OR56A4: variants seen among roughly 807,000 people sequenced by gnomAD.
The protein encoded by OR56A4 is olfactory receptor family 56 subfamily A member 4.
Under a neutral mutation model 13.6 loss-of-function variants are expected in OR56A4, and 9 were observed. The ratio of observed to expected loss-of-function variants is 0.66; its 90% CI spans 0.40 to 1.15. The LOEUF (loss-of-function observed/expected upper bound fraction) is 1.15. Among genes scored for constraint, OR56A4 ranks in the 50% most tolerant of loss-of-function variants. The pLI, the probability that OR56A4 is intolerant of heterozygous loss-of-function variation, is 0.01. For synonymous variants in OR56A4, 167 were observed against 153.9 expected (o/e 1.08, Z -0.63); for missense variants, 380 against 375.9 (o/e 1.01, Z -0.09).
In OR56A4 at chr11:6,002,496, G is replaced by A. The variant is rs748087343; in HGVS notation, c.497C>T (p.Ser166Phe). ...TCCTGCACAGTATCTGAGCCTGGCA[G>A]AAAGCATGGGAACAGGAAGAGAAAC... ...AFVSLPVPML[S>F]ARLRYCAGNI... The change falls in exon 3 of 3, where the codon TCT (serine) becomes TTT (phenylalanine). Residue 166 changes from serine (S) to phenylalanine (F), a missense_variant. Ser to Phe is a radical substitution (Grantham distance 155). Coordinates refer to ENST00000641156, the MANE Select transcript of OR56A4 (RefSeq NM_001005179.4). 7 of 1,614,230 alleles carry A rather than the reference G, an allele frequency of 4.3e-6. No individual in the cohort carries two copies. Among genetic ancestry groups the A allele is most frequent in the East Asian group, 2.2e-5 (1 of 44,888 alleles).
In OR56A4 at chr11:6,002,869, T is replaced by C. The variant is rs1420185088; in HGVS notation, c.124A>G (p.Met42Val). Residue 42 changes from methionine (M) to valine (V), a missense_variant, in exon 3 of 3, where the codon ATG becomes GTG. Transcript: ENST00000641156. ...LPLSLLFLLA[M>V]GANTTLLITI... is the part of the protein sequence containing the mutation. ...ATCAGGAGGGTGGTGTTAGCTCCCA[T>C]GGCCAGGAGGAAGAGAAGGCTGAGG... 5.6e-6 allele frequency: 9 copies of C among 1,613,838 alleles called. No individual in the cohort carries two copies. The highest frequency in any genetic ancestry group is 4.4e-5 in the South Asian group (4 of 91,072).
rs189708892 is a variant in OR56A4, at chr11:6,003,272, T to C, written c.-36-244A>G. The C allele has an allele frequency of 6.2e-3, 3,717 of 598,810 alleles. 22 individuals are homozygous for C. The highest frequency in any genetic ancestry group is 7.4e-3 in the Non-Finnish European group (2,717 of 368,656). The allele number at this position is 598,810 out of a possible 1,614,324, so 37.1% of individuals were successfully genotyped here. A position where few individuals can be genotyped will look rare whatever the true frequency, so the allele number is the denominator to read the frequency against. ...AATATTGTTATCCTAATGTTACAGGTAATAAAATAGAGATAAGGGAAAATT... is the reference window on the plus strand; with the variant it reads ...AATATTGTTATCCTAATGTTACAGGCAATAAAATAGAGATAAGGGAAAATT... On this transcript the variant is annotated intron_variant, in intron 2 of 2. Coordinates refer to ENST00000641156, the MANE Select transcript of OR56A4 (RefSeq NM_001005179.4).
Position 6,002,729 on chromosome 11 carries a change from G to A in OR56A4, c.264C>T (p.Phe88=), listed in dbSNP as rs1848225394. 1 of 1,614,110 alleles carries A rather than the reference G, an allele frequency of 6.2e-7. No individual in the cohort carries two copies. The highest frequency in any genetic ancestry group is 8.5e-7 in the Non-Finnish European group (1 of 1,180,040). ...LTVIPKVLAI[F]WFDLRSISFP... is the part of the protein sequence containing the mutation. ...AGCTGATCGACCTGAGGTCAAACCA[G>A]AAGATGGCCAGGACCTTGGGGATGA... Residue 88 remains phenylalanine (F), a synonymous_variant, in exon 3 of 3, where the codon TTC becomes TTT. Coordinates refer to ENST00000641156, the MANE Select transcript of OR56A4 (RefSeq NM_001005179.4).
At chr11:6,003,165 C>T (rs1848231643) in intron 2 of OR56A4, 137 bp from the exon 3 acceptor site, 1 of 1,508,626 alleles carries the variant, frequency 6.6e-7, no homozygotes, top group South Asian at 1.3e-5. Flanking sequence ...TTATATTTAA[C>T]CAAGTATGTA....
Position 6,002,754 on chromosome 11 carries a change from A to G in OR56A4, c.239T>C (p.Val80Ala), listed in dbSNP as rs770474932. Residue 80 changes from valine (V) to alanine (A), a missense_variant, in exon 3 of 3, where the codon GTC becomes GCC. By Grantham distance (64) the Val-to-Ala change is moderately conservative. Coordinates refer to ENST00000641156, the MANE Select transcript of OR56A4 (RefSeq NM_001005179.4). ...GAAGATGGCCAGGACCTTGGGGATG[A>G]CGGTGAGGCAGAGCACGATGTCCAG... ...SLLDIVLCLT[V>A]IPKVLAIFWF... 9 of 1,614,000 alleles carry G rather than the reference A, an allele frequency of 5.6e-6. No individual in the cohort carries two copies. In the African/African-American group the frequency reaches 1.2e-4, roughly 22 times the overall value.
At chr11:6,004,612 A>G (rs1299490818) in intron 2 of OR56A4, among the ~76,000 whole-genome samples, 1 of 152,240 alleles carries the variant, frequency 6.6e-6, no homozygotes, top group African/African-American at 2.4e-5. Flanking sequence ...TACCCATTGT[A>G]GGGCCTTAAA....
chr11:6,002,354 A>G lies in OR56A4; in HGVS notation c.639T>C (p.Asp213=), dbSNP rs1358612377. Residue 213 remains aspartate (D), a synonymous_variant, in exon 3 of 3, where the codon GAT becomes GAC. Transcript: ENST00000641156. ...AATAGGAGATAACAATAAGGATAAG[A>G]TCAGAGCCCAACAGAGTCCAGCCTG... ...FVAGWTLLGS[D]LILIVISYSF... 2 of 1,614,188 alleles carry G rather than the reference A, an allele frequency of 1.2e-6. No individual in the cohort carries two copies. Among genetic ancestry groups the G allele is most frequent in the Admixed American group, 1.7e-5 (1 of 60,024 alleles).
chr11:6,003,066 T>C (rs1485368132), intron 2 of OR56A4, 38 bp from the exon 3 acceptor site: 7 of 1,613,226 alleles, frequency 4.3e-6, no homozygotes, highest in African/African-American at 1.3e-5. Flanking sequence ...ACATAAAAAG[T>C]ACATTCTAGA....
chr11:5,999,872 T>A lies in OR56A4; in HGVS notation c.*2179A>T, dbSNP rs1848202064. 6.6e-6 allele frequency: 1 copy of A among 152,140 alleles called. No homozygotes were observed. Among genetic ancestry groups the A allele is most frequent in the Non-Finnish European group, 1.5e-5 (1 of 68,026 alleles). 9.4% of individuals were successfully genotyped at this position (152,140 alleles called of 1,614,324 possible). ...GAGAAAGAAATACAGCCACACAAGA[T>A]GCAAGAATAATGATTCCAGTCGGGA... On this transcript the variant is annotated 3_prime_UTR_variant, in exon 3 of 3. Coordinates refer to ENST00000641156, the MANE Select transcript of OR56A4 (RefSeq NM_001005179.4).
chr11:6,004,768 T>G (rs1848244912), intron 2 of OR56A4, among the ~76,000 whole-genome samples: 1 of 152,202 alleles, frequency 6.6e-6, no homozygotes, highest in South Asian at 2.1e-4. Context: ...CTGTAAAGCC[T>G]TCTCCTTTCC....
Position 6,001,569 on chromosome 11 carries a change from A to G in OR56A4, c.*482T>C, listed in dbSNP as rs186329792. ...ATTCAGGGCAAGGCACTCAACCCCA[A>G]GTTGTTCCAGGGTGGACATCTGGAC... On this transcript the variant is annotated 3_prime_UTR_variant, in exon 3 of 3. Transcript: ENST00000641156. The G allele has an allele frequency of 7.9e-4, 122 of 153,992 alleles. No homozygotes were observed. The highest frequency in any genetic ancestry group is 1.0e-3 in the Non-Finnish European group (70 of 69,336). The allele number at this position is 153,992 out of a possible 1,614,324, so 9.5% of individuals were successfully genotyped here. A position where few individuals can be genotyped will look rare whatever the true frequency, so the allele number is the denominator to read the frequency against.
chr11:6,001,895 A>G lies in OR56A4; in HGVS notation c.*156T>C. The G allele has an allele frequency of 1.5e-6, 1 of 646,158 alleles. No homozygotes were observed. The highest frequency in any genetic ancestry group is 3.0e-5 in the East Asian group (1 of 33,298). The allele number at this position is 646,158 out of a possible 1,614,324, so 40.0% of individuals were successfully genotyped here. A position where few individuals can be genotyped will look rare whatever the true frequency, so the allele number is the denominator to read the frequency against. The stretch of plus-strand genomic sequence containing the variant: ...ACAGAAAACAAAGATTCACAAATAA[A>G]TGTGTTCATTGTTGCCTGAGATATT... On this transcript the variant is annotated 3_prime_UTR_variant, in exon 3 of 3. Coordinates refer to ENST00000641156, the MANE Select transcript of OR56A4 (RefSeq NM_001005179.4).
intron 2 of OR56A4, among the ~76,000 whole-genome samples, chr11:6,004,234 C>A (rs1848239849): frequency 1.3e-5 from 2 of 152,096 alleles, no homozygotes; most frequent in Non-Finnish European, 2.9e-5. Context: ...TGCCTGTAAT[C>A]CCAGCTACTT....
At chr11:6,003,102 A>C (rs1201664952) in intron 2 of OR56A4, 74 bp from the exon 3 acceptor site, 1 of 1,608,424 alleles carries the variant, frequency 6.2e-7, no homozygotes, top group Non-Finnish European at 8.5e-7. Flanking sequence ...GTTTCCACTG[A>C]GGCCCTGTAT....
In OR56A4 at chr11:6,000,947, A is replaced by G. The variant is rs1019547553; in HGVS notation, c.*1104T>C. 6.6e-6 allele frequency: 1 copy of G among 152,244 alleles called. No individual in the cohort carries two copies. Among genetic ancestry groups the G allele is most frequent in the Non-Finnish European group, 1.5e-5 (1 of 68,042 alleles). 9.4% of individuals were successfully genotyped at this position (152,244 alleles called of 1,614,324 possible). ...AAGCTTCAGTACAAATGGAAGTAGGATAGTCCAGTTGGGACAGTTGTCAAA... is the reference window on the plus strand; with the variant it reads ...AAGCTTCAGTACAAATGGAAGTAGGGTAGTCCAGTTGGGACAGTTGTCAAA... On this transcript the variant is annotated 3_prime_UTR_variant, in exon 3 of 3. Transcript: ENST00000641156.
chr11:6,005,431 G>A (rs4573661), intron 2 of OR56A4, among the ~76,000 whole-genome samples: 61,528 of 152,010 alleles, frequency 0.4, 12,970 homozygotes, highest in East Asian at 0.51. Context: ...AGAGTAGAGT[G>A]TCAAAAGATG....
In OR56A4 at chr11:6,000,695, G is replaced by C. The variant is rs577086265; in HGVS notation, c.*1356C>G. 1 of 152,198 alleles carries C rather than the reference G, an allele frequency of 6.6e-6. No homozygotes were observed. The highest frequency in any genetic ancestry group is 2.4e-5 in the African/African-American group (1 of 41,454). 9.4% of individuals were successfully genotyped at this position (152,198 alleles called of 1,614,324 possible). A position where few individuals can be genotyped will look rare whatever the true frequency, so the allele number is the denominator to read the frequency against. On this transcript the variant is annotated 3_prime_UTR_variant, in exon 3 of 3. Coordinates refer to ENST00000641156, the MANE Select transcript of OR56A4 (RefSeq NM_001005179.4). ...TAATGGTAAAAGAAGGCTGATGTGA[G>C]AAGCATCAAATGATTGAAGAGAGAG...
In OR56A4 at chr11:6,002,933, G is replaced by A; in HGVS notation, c.60C>T (p.Phe20=). Residue 20 remains phenylalanine, a synonymous_variant, in exon 3 of 3, where the codon TTC becomes TTT. Coordinates refer to ENST00000641156, the MANE Select transcript of OR56A4 (RefSeq NM_001005179.4). ...AGTGCTGCCAGCTCTGGAAGTTGGG[G>A]AAGCAGATGAGGAGGAATTCAGAGA... ...APVSEFLLIC[F]PNFQSWQHWL... 7.4e-6 allele frequency: 12 copies of A among 1,613,964 alleles called. No individual in the cohort carries two copies. Among genetic ancestry groups the A allele is most frequent in the Non-Finnish European group, 1.0e-5 (12 of 1,179,920 alleles).
chr11:6,003,024 T>C lies in OR56A4; in HGVS notation c.-32A>G. 6.2e-7 allele frequency: 1 copy of C among 1,614,168 alleles called. No individual in the cohort carries two copies. The highest frequency in any genetic ancestry group is 8.5e-7 in the Non-Finnish European group (1 of 1,179,980). ...TTTCCTGATCAATCTGGAGACCCAGTGTACCTTAAAACGTAGTAGAGAAGT... is the reference window on the plus strand; with the variant it reads ...TTTCCTGATCAATCTGGAGACCCAGCGTACCTTAAAACGTAGTAGAGAAGT... On this transcript the variant is annotated 5_prime_UTR_variant, in exon 3 of 3. Coordinates refer to ENST00000641156, the MANE Select transcript of OR56A4 (RefSeq NM_001005179.4).
Sources: allele counts gnomAD v4.1 joint callset (sites outside exome capture counted in the v4.1 genomes callset), GRCh38; gene constraint gnomAD v4.1.1; transcripts MANE v1.5; gene names NCBI Gene and HGNC (gene_info 2026-07-23, HGNC 2026-07-21).